Variants in DLG2 observed in about 807,000 individuals in gnomAD.
DLG2 encodes the protein discs large MAGUK scaffold protein 2, also known as disks large homolog 2.
A neutral mutation model predicts 132.5 loss-of-function variants in DLG2; 45 were observed. The observed-to-expected ratio is 0.34, with a 90% CI of 0.27 to 0.44. The LOEUF (loss-of-function observed/expected upper bound fraction) is 0.44, where lower values mean the gene tolerates loss of function less well. DLG2 is among the 20% of genes least tolerant of loss of function. DLG2 has a pLI of 1.00. For synonymous variants in DLG2, 424 were observed against 419.6 expected, an observed-to-expected ratio of 1.01 and a Z score of -0.13; for missense variants, 1,045 against 1,196.9, an observed-to-expected ratio of 0.87 and a Z score of 1.87.
chr11:83,706,115 G>C (rs984257434), intron 18 of DLG2, among the ~76,000 whole-genome samples: 11 of 151,920 alleles, frequency 7.2e-5, no homozygotes, highest in African/African-American at 2.7e-4. Context: ...CTACTCGGGA[G>C]GTTGAGGCAG....
intron 18 of DLG2, among the ~76,000 whole-genome samples, chr11:83,757,930 A>G (rs564591600): frequency 2.6e-5 from 4 of 152,208 alleles, no homozygotes; most frequent in Non-Finnish European, 4.4e-5. Flanking sequence ...ACTGATCACC[A>G]TGTCTGTTGC....
At chr11:84,724,266 A>G (rs2062154257) in intron 6 of DLG2, among the ~76,000 whole-genome samples, 1 of 152,118 alleles carries the variant, frequency 6.6e-6, no homozygotes, top group Non-Finnish European at 1.5e-5. Context: ...TCTCTGAGTG[A>G]TCTTCTAAAT....
chr11:84,510,094 C>CTTATTATTATTATTA (rs10680572), intron 7 of DLG2, among the ~76,000 whole-genome samples: 87 of 146,576 alleles, frequency 5.9e-4, no homozygotes, highest in East Asian at 3.0e-3. Context: ...TAAGAGTTCA[C>CTTATTATTATTATTA]TTATTATTAT....
chr11:84,345,876 T>C (rs930147394), intron 7 of DLG2, among the ~76,000 whole-genome samples: 5 of 152,198 alleles, frequency 3.3e-5, no homozygotes, highest in African/African-American at 1.2e-4. Flanking sequence ...TGAATAGTAG[T>C]ATCCGAGACT....
intron 2 of DLG2, among the ~76,000 whole-genome samples, chr11:85,619,833 C>CA (rs113283591): frequency 0.04 from 5,656 of 139,726 alleles, 156 homozygotes; most frequent in Admixed American, 0.058. Flanking sequence ...AACTCCGTCT[C>CA]AAAAAAAAAA....
intron 7 of DLG2, among the ~76,000 whole-genome samples, chr11:84,529,797 A>C (rs1226298441): frequency 7.2e-5 from 11 of 152,218 alleles, no homozygotes; most frequent in South Asian, 2.1e-4. Flanking sequence ...AGAACAATTA[A>C]AATTCACATA....
At position 85,306,027 on chromosome 11, in the gene DLG2, G is replaced by A. The variant is rs1049297523; in HGVS notation, c.41-20662C>T. Among the ~76,000 whole-genome samples, 8 of 152,264 alleles carry A rather than the reference G, an allele frequency of 5.3e-5. No individual in the cohort carries two copies. In the East Asian group the frequency reaches 1.5e-3, roughly 29 times the overall value. ...GTCCCAGCTCTGCCACCAACTAGCT[G>A]TGTAACTGTGGACAAGTTACTTAAT... On this transcript the variant is annotated intron_variant, in intron 3 of 27. Transcript: ENST00000376104.
intron 11 of DLG2, among the ~76,000 whole-genome samples, chr11:84,021,784 T>C (rs2095403568): frequency 6.6e-6 from 1 of 150,774 alleles, no homozygotes; most frequent in African/African-American, 2.4e-5. Flanking sequence ...TGAGATGGAG[T>C]TTCGCTCTTG....
At position 84,291,147 on chromosome 11, in the gene DLG2, G is replaced by A. The variant is rs531006949; in HGVS notation, c.520-39856C>T. Among the ~76,000 whole-genome samples the A allele has an allele frequency of 7.2e-5, 11 of 152,206 alleles. 1 individual carries two copies. In the South Asian group the frequency reaches 2.3e-3, roughly 31 times the overall value. On this transcript the variant is annotated intron_variant, in intron 7 of 27. Transcript: ENST00000376104. ...CATAACTTTTTATAATTTACTCTGT[G>A]TATTCTAAAGATGAGGCAGTTTTTA...
intron 8 of DLG2, among the ~76,000 whole-genome samples, chr11:84,174,641 G>A (rs2095906858): frequency 6.6e-6 from 1 of 152,130 alleles, no homozygotes; most frequent in Admixed American, 6.6e-5. Flanking sequence ...TAGGGCTATA[G>A]TGGTAAACAA....
intron 21 of DLG2, among the ~76,000 whole-genome samples, chr11:83,512,853 G>A (rs1428165157): frequency 6.6e-6 from 1 of 152,116 alleles, no homozygotes; most frequent in African/African-American, 2.4e-5. Context: ...CCCTACAAAG[G>A]ACATGAACTC....
intron 6 of DLG2, among the ~76,000 whole-genome samples, chr11:85,018,464 A>G (rs1288135756): frequency 6.6e-6 from 1 of 152,144 alleles, no homozygotes; most frequent in Non-Finnish European, 1.5e-5. Context: ...TAGAAAGCTA[A>G]TGGAAAGATA....
At chr11:84,486,056 G>T (rs2099149967) in intron 7 of DLG2, among the ~76,000 whole-genome samples, 3 of 152,122 alleles carry the variant, frequency 2.0e-5, no homozygotes, top group Admixed American at 2.0e-4. Flanking sequence ...AGACACATAT[G>T]CCTTTTTCCA....
At chr11:83,883,913 T>A (rs2067020313) in intron 15 of DLG2, among the ~76,000 whole-genome samples, 1 of 152,164 alleles carries the variant, frequency 6.6e-6, no homozygotes, top group African/African-American at 2.4e-5. Context: ...ATGTAGCTAC[T>A]TCAAAAAGGA....
At chr11:84,359,592 A>C (rs887234624) in intron 7 of DLG2, among the ~76,000 whole-genome samples, 2 of 151,930 alleles carry the variant, frequency 1.3e-5, no homozygotes, top group African/African-American at 4.8e-5. Context: ...AAGGAGAAAC[A>C]ATTCTCATAT....
chr11:85,514,870 C>T (rs2153165627), intron 3 of DLG2, among the ~76,000 whole-genome samples: 1 of 152,020 alleles, frequency 6.6e-6, no homozygotes, highest in East Asian at 1.9e-4. Flanking sequence ...TTTTGCTGTA[C>T]ACCAATAATC....
intron 6 of DLG2, among the ~76,000 whole-genome samples, chr11:84,824,826 T>C (rs2078135975): frequency 6.6e-6 from 1 of 151,854 alleles, no homozygotes; most frequent in African/African-American, 2.4e-5. Context: ...ACGCCCACAG[T>C]GCATGTGTGG....
rs2136640957 is a variant in DLG2, at chr11:83,472,774, C to G, written c.2297G>C (p.Gly766Ala). 6.2e-7 allele frequency: 1 copy of G among 1,611,914 alleles called. No individual in the cohort carries two copies. Among genetic ancestry groups the G allele is most frequent in the South Asian group, 1.1e-5 (1 of 90,894 alleles). ...SEQETSDPER[G>A]QEDLILSYEP... is the part of the protein sequence containing the mutation. ...ATAGGAAAGAATGAGGTCTTCTTGT[C>G]CTCCTGAGAAGAGAAGGAAAGAAAA... Residue 766 changes from glycine (G) to alanine (A), a missense_variant, in exon 23 of 28, where the codon GGA becomes GCA. Transcript: ENST00000376104.
At chr11:84,580,819 G>A (rs1790599704) in intron 6 of DLG2, among the ~76,000 whole-genome samples, 2 of 152,184 alleles carry the variant, frequency 1.3e-5, no homozygotes, top group South Asian at 4.1e-4. Flanking sequence ...CTGCTAAGGG[G>A]TCAGACGCTT....
Sources: gnomAD v4.1 joint callset for allele counts (sites outside exome capture counted in the v4.1 genomes callset) on GRCh38, gnomAD v4.1.1 for gene constraint, MANE v1.5 for transcripts, NCBI Gene and HGNC (gene_info 2026-07-23, HGNC 2026-07-21) for gene names.